ACKR3: variants seen among roughly 807,000 people sequenced by gnomAD.
The protein encoded by ACKR3 is C-X-C chemokine receptor type 7.
A neutral mutation model predicts 22.4 loss-of-function variants in ACKR3; 6 were observed. The ratio of observed to expected loss-of-function variants is 0.27; its 90% CI spans 0.15 to 0.53. The LOEUF is 0.53. ACKR3 is among the 20% of genes least tolerant of loss of function. ACKR3 has a pLI of 0.96. For synonymous variants in ACKR3, 209 were observed against 205.2 expected (o/e 1.02, Z -0.16); for missense variants, 396 against 475.2 (o/e 0.83, Z 1.55).
chr2:236,554,631 G>T, the ACKR3 span, among the ~76,000 whole-genome samples: 1 of 152,202 alleles, frequency 6.6e-6, no homozygotes, highest in Non-Finnish European at 1.5e-5. Context: ...TGTTCATGGG[G>T]AAGTGTCTCA....
Position 236,574,483 on chromosome 2 carries a change from G to A in ACKR3, c.-27+4559G>A, listed in dbSNP as rs1326921989. Among the ~76,000 whole-genome samples the A allele has an allele frequency of 6.6e-6, 1 of 152,152 alleles. No homozygotes were observed. The highest frequency in any genetic ancestry group is 2.4e-5 in the African/African-American group (1 of 41,424). ...GTGCAGTGTGGGGCCAGGAGAAGGT[G>A]GGAGAATCAGAAGGGCAGAGGGCAT... On this transcript the variant is annotated intron_variant, in intron 1 of 1. Coordinates refer to ENST00000272928, the MANE Select transcript of ACKR3 (RefSeq NM_020311.3). This position sits in a 1 kb window ranked among gnomAD's most constrained non-coding sequence, Gnocchi z 5.6.
chr2:236,558,977 G>A, the ACKR3 span, among the ~76,000 whole-genome samples: 4 of 152,152 alleles, frequency 2.6e-5, no homozygotes, highest in Admixed American at 2.0e-4. Context: ...TCATTTTTAT[G>A]TTTTGAAGCT....
the ACKR3 span, among the ~76,000 whole-genome samples, chr2:236,558,242 A>G: frequency 6.6e-6 from 1 of 152,290 alleles, no homozygotes; most frequent in East Asian, 1.9e-4. Flanking sequence ...CGTGGAGAGT[A>G]GTAGCCTATG....
the ACKR3 span, among the ~76,000 whole-genome samples, chr2:236,543,778 A>C: frequency 0.012 from 1,877 of 151,902 alleles, 23 homozygotes; most frequent in African/African-American, 0.035. Context: ...ATGTGACCTA[A>C]ATTTCATTCA....
chr2:236,545,613 T>C, the ACKR3 span, among the ~76,000 whole-genome samples: 1 of 152,218 alleles, frequency 6.6e-6, no homozygotes, highest in South Asian at 2.1e-4. The surrounding 1 kb of genome is among the most constrained non-coding windows in gnomAD (Gnocchi z 5.3). Flanking sequence ...AAATCGTCAA[T>C]AAAAGTGTGG....
the ACKR3 span, among the ~76,000 whole-genome samples, chr2:236,540,897 A>T: frequency 6.6e-6 from 1 of 152,212 alleles, no homozygotes. Flanking sequence ...TTGTAACTTT[A>T]TAGTAAGTAT....
chr2:236,538,087 C>CT, the ACKR3 span, among the ~76,000 whole-genome samples: 465 of 149,542 alleles, frequency 3.1e-3, 1 homozygote, highest in African/African-American at 9.4e-3. Flanking sequence ...GTTTTGTTTT[C>CT]TTTTTTTTTT....
At chr2:236,555,771 G>A in the ACKR3 span, among the ~76,000 whole-genome samples, 1 of 150,312 alleles carries the variant, frequency 6.7e-6, no homozygotes, top group Admixed American at 6.6e-5. Flanking sequence ...TGGGTTTCTG[G>A]AAATTACCAA....
Position 236,580,532 on chromosome 2 carries a change from AGCAGCG to A in ACKR3, c.68_73del (p.Ser23_Asp25delinsAsn). On this transcript the variant is annotated inframe_deletion, in exon 2 of 2. Coordinates refer to ENST00000272928, the MANE Select transcript of ACKR3 (RefSeq NM_020311.3). ...CTCGGACATCAGCTGGCCATGCAAC[AGCAGCG>A]ACTGCATCGTGGTGGACACGGTGAT... 6.2e-7 allele frequency: 1 copy of A among 1,614,264 alleles called. No homozygotes were observed. Among genetic ancestry groups the A allele is most frequent in the African/African-American group, 1.3e-5 (1 of 75,082 alleles).
At chr2:236,546,259 G>T in the ACKR3 span, among the ~76,000 whole-genome samples, 1 of 152,106 alleles carries the variant, frequency 6.6e-6, no homozygotes, top group Admixed American at 6.5e-5. The surrounding 1 kb of genome is among the most constrained non-coding windows in gnomAD (Gnocchi z 4.9). Context: ...GCCCCTGGGG[G>T]AAAAGGACCT....
the ACKR3 span, among the ~76,000 whole-genome samples, chr2:236,550,180 C>G: frequency 6.6e-6 from 1 of 152,216 alleles, no homozygotes; most frequent in Admixed American, 6.5e-5. This position sits in a 1 kb window ranked among gnomAD's most constrained non-coding sequence, Gnocchi z 4.6. Context: ...CTCTTCCTGG[C>G]CATTCTGCAC....
chr2:236,580,212 C>T (rs1037084813), intron 1 of ACKR3, among the ~76,000 whole-genome samples: 3 of 152,236 alleles, frequency 2.0e-5, no homozygotes, highest in African/African-American at 4.8e-5. Flanking sequence ...AACACAGTTT[C>T]TGTCTTGGAG....
chr2:236,547,270 G>A, the ACKR3 span, among the ~76,000 whole-genome samples: 1 of 152,058 alleles, frequency 6.6e-6, no homozygotes, highest in Non-Finnish European at 1.5e-5. Context: ...TTTTCTTCTT[G>A]CTTTTTAACA....
intron 1 of ACKR3, among the ~76,000 whole-genome samples, chr2:236,575,616 T>C (rs1236149475): frequency 2.7e-5 from 3 of 109,582 alleles, no homozygotes; most frequent in African/African-American, 9.5e-5. Context: ...TCTGTGTGTG[T>C]GTGTGTCTGG....
chr2:236,556,410 G>A, the ACKR3 span, among the ~76,000 whole-genome samples: 13 of 152,246 alleles, frequency 8.5e-5, no homozygotes, highest in Non-Finnish European at 1.5e-4. Context: ...AGGGTCTTGA[G>A]ATGGGAGATT....
upstream of ACKR3, among the ~76,000 whole-genome samples, chr2:236,563,187 C>G (rs1418441003): frequency 1.3e-5 from 2 of 152,234 alleles, no homozygotes; most frequent in Non-Finnish European, 2.9e-5. Flanking sequence ...CCCTGCCCTA[C>G]TCCCATATTT....
the ACKR3 span, among the ~76,000 whole-genome samples, chr2:236,559,849 T>C: frequency 3.9e-5 from 6 of 152,360 alleles, no homozygotes; most frequent in Middle Eastern, 3.4e-3. Context: ...CCATAGTGTG[T>C]GAGTCTATTT....
intron 1 of ACKR3, among the ~76,000 whole-genome samples, chr2:236,575,607 C>G (rs113913687): frequency 0.1 from 4,109 of 40,446 alleles, 571 homozygotes; most frequent in African/African-American, 0.3. Context: ...GGGTTGTGCT[C>G]TGTGTGTGTG....
the ACKR3 span, among the ~76,000 whole-genome samples, chr2:236,549,976 T>C: frequency 3.9e-5 from 6 of 152,166 alleles, no homozygotes; most frequent in Non-Finnish European, 8.8e-5. This position sits in a 1 kb window ranked among gnomAD's most constrained non-coding sequence, Gnocchi z 5.3. Context: ...TCCCCAACTG[T>C]GAGGGCCTAT....
Sources: gnomAD v4.1 joint callset for allele counts (sites outside exome capture counted in the v4.1 genomes callset) on GRCh38, gnomAD v4.1.1 for gene constraint, Gnocchi (gnomAD v3.1) non-coding constraint, MANE v1.5 for transcripts, NCBI Gene and HGNC (gene_info 2026-07-23, HGNC 2026-07-21) for gene names.